KLF12: variants seen among roughly 807,000 people sequenced by gnomAD.
The protein encoded by KLF12 is Krueppel-like factor 12.
KLF12 carries 9 observed loss-of-function variants against 37.8 expected under a neutral mutation model. The ratio of observed to expected loss-of-function variants is 0.24; its 90% CI spans 0.14 to 0.42. KLF12 has a LOEUF of 0.42. Ranked by LOEUF, KLF12 falls within the 10% of genes least tolerant of loss-of-function variation. KLF12 has a pLI of 1.00. For synonymous variants in KLF12, 208 were observed against 202.1 expected (o/e 1.03, Z -0.25); for missense variants, 411 against 516.0 (o/e 0.80, Z 1.97).
chr13:73,759,131 C>T (rs556080585), intron 6 of KLF12, among the ~76,000 whole-genome samples: 68 of 152,216 alleles, frequency 4.5e-4, no homozygotes, highest in Middle Eastern at 3.4e-3. Context: ...AGCAGGTTAA[C>T]GATGACATCA....
intron 6 of KLF12, among the ~76,000 whole-genome samples, chr13:73,756,367 G>A (rs188133529): frequency 1.3e-5 from 2 of 152,040 alleles, no homozygotes; most frequent in Admixed American, 1.3e-4. Context: ...TGCCAAGTAG[G>A]GTTTTAGAGA....
At chr13:74,030,034 T>TAGCA (rs1893074402) in intron 1 of KLF12, among the ~76,000 whole-genome samples, 1 of 152,126 alleles carries the variant, frequency 6.6e-6, no homozygotes, top group Non-Finnish European at 1.5e-5. Context: ...CCACAGTAGA[T>TAGCA]CATTTCATAG....
chr13:73,959,573 C>T (rs554493445), intron 2 of KLF12, among the ~76,000 whole-genome samples: 13 of 151,120 alleles, frequency 8.6e-5, no homozygotes, highest in South Asian at 2.1e-4. Flanking sequence ...GGATAAGTGA[C>T]TTACATAGCA....
intron 3 of KLF12, among the ~76,000 whole-genome samples, chr13:73,894,089 C>T (rs1887642342): frequency 6.6e-6 from 1 of 152,194 alleles, no homozygotes. Context: ...GGATGCCCCA[C>T]TCCTTTAGCC....
the KLF12 span, among the ~76,000 whole-genome samples, chr13:74,158,619 T>C: frequency 1.3e-5 from 2 of 152,112 alleles, no homozygotes; most frequent in African/African-American, 4.8e-5. Flanking sequence ...AAGGAAAACA[T>C]GGACAGAGGA....
At chr13:73,929,748 G>A (rs75915283) in intron 3 of KLF12, among the ~76,000 whole-genome samples, 2,592 of 152,286 alleles carry the variant, frequency 0.017, 69 homozygotes, top group African/African-American at 0.059. Flanking sequence ...CCACAACGCC[G>A]TTAAGTCCTA....
At chr13:74,150,653 A>G in the KLF12 span, among the ~76,000 whole-genome samples, 1 of 152,242 alleles carries the variant, frequency 6.6e-6, no homozygotes, top group Non-Finnish European at 1.5e-5. Context: ...TTGATGGCAT[A>G]TCTGAATTCC....
intron 1 of KLF12, among the ~76,000 whole-genome samples, chr13:74,056,836 G>A (rs138755838): frequency 6.6e-4 from 101 of 152,288 alleles, no homozygotes; most frequent in Middle Eastern, 3.4e-3. Flanking sequence ...AGAGAAGGAT[G>A]AAATTCATCT....
At chr13:74,253,953 T>A in the KLF12 span, among the ~76,000 whole-genome samples, 4 of 152,236 alleles carry the variant, frequency 2.6e-5, no homozygotes, top group African/African-American at 9.6e-5. Context: ...CTAAAACTTA[T>A]TTGACCAGGG....
At chr13:73,933,857 A>G (rs1321157801) in intron 3 of KLF12, among the ~76,000 whole-genome samples, 2 of 139,570 alleles carry the variant, frequency 1.4e-5, no homozygotes, top group Non-Finnish European at 1.5e-5. Flanking sequence ...TAAAGAACAT[A>G]TAACATAAAA....
the KLF12 span, among the ~76,000 whole-genome samples, chr13:74,193,055 T>C: frequency 6.7e-6 from 1 of 149,762 alleles, no homozygotes; most frequent in African/African-American, 2.5e-5. Flanking sequence ...CTCGGCTCAC[T>C]GCAACCTGCG....
intron 1 of KLF12, among the ~76,000 whole-genome samples, chr13:74,008,299 C>A (rs1424175340): frequency 6.6e-6 from 1 of 152,142 alleles, no homozygotes; most frequent in African/African-American, 2.4e-5. Context: ...TCAGCTACCA[C>A]CAAGGACCAA....
chr13:74,151,901 A>AT, the KLF12 span, among the ~76,000 whole-genome samples: 1 of 152,202 alleles, frequency 6.6e-6, no homozygotes, highest in Non-Finnish European at 1.5e-5. Flanking sequence ...AAATAATCTA[A>AT]TTATTTGGCA....
intron 6 of KLF12, among the ~76,000 whole-genome samples, chr13:73,738,112 T>TACACACATATATATGTATGTGTAC (rs1274922529): frequency 5.4e-5 from 4 of 74,754 alleles, no homozygotes; most frequent in African/African-American, 2.6e-4. Flanking sequence ...TATATATATA[T>TACACACATATATATGTATGTGTAC]ATATATATAT....
intron 4 of KLF12, among the ~76,000 whole-genome samples, chr13:73,842,290 TATA>T (rs1884778260): frequency 6.6e-6 from 1 of 152,172 alleles, no homozygotes; most frequent in African/African-American, 2.4e-5. Context: ...TATTTGCGAT[TATA>T]ATTAAACTCA....
chr13:74,143,617 C>G, the KLF12 span, among the ~76,000 whole-genome samples: 3 of 152,290 alleles, frequency 2.0e-5, no homozygotes, highest in South Asian at 6.2e-4. Flanking sequence ...AACTCACAAG[C>G]ACTCCTGGTT....
intron 3 of KLF12, among the ~76,000 whole-genome samples, chr13:73,913,478 A>C (rs1593716529): frequency 6.6e-6 from 1 of 152,204 alleles, no homozygotes; most frequent in African/African-American, 2.4e-5. Context: ...ACAAGGCCAG[A>C]AGGAGAAGCA....
chr13:74,242,694 A>G, the KLF12 span, among the ~76,000 whole-genome samples: 2 of 152,168 alleles, frequency 1.3e-5, no homozygotes, highest in Non-Finnish European at 2.9e-5. Flanking sequence ...TAAACTCTCA[A>G]TTGTTTAGTA....
intron 2 of KLF12, among the ~76,000 whole-genome samples, chr13:73,975,006 G>A (rs894077685): frequency 6.6e-6 from 1 of 152,128 alleles, no homozygotes; most frequent in African/African-American, 2.4e-5. Context: ...CAGTAAAAGG[G>A]AATCTTAAAA....
Sources: gnomAD v4.1 joint callset for allele counts (sites outside exome capture counted in the v4.1 genomes callset) on GRCh38, gnomAD v4.1.1 for gene constraint, MANE v1.5 for transcripts, NCBI Gene and HGNC (gene_info 2026-07-23, HGNC 2026-07-21) for gene names.